Variants in BCAR3 observed in about 807,000 individuals in gnomAD.
BCAR3 encodes the protein breast cancer anti-estrogen resistance protein 3.
Under a neutral mutation model 80.1 loss-of-function variants are expected in BCAR3, and 37 were observed. The observed-to-expected ratio is 0.46, with a 90% confidence interval of 0.36 to 0.61. The LOEUF is 0.61. Ranked by LOEUF, BCAR3 falls within the 20% of genes least tolerant of loss-of-function variation. The pLI, the probability that BCAR3 is intolerant of heterozygous loss-of-function variation, is 0.00. For missense variants in BCAR3, 978 were observed against 1,068.2 expected (o/e 0.92, Z 1.18); for synonymous variants, 389 against 418.9 (o/e 0.93, Z 0.87).
At chr1:93,591,856 C>A (rs1674213483) in intron 4 of BCAR3, among the ~76,000 whole-genome samples, 1 of 152,218 alleles carries the variant, frequency 6.6e-6, no homozygotes, top group African/African-American at 2.4e-5. Flanking sequence ...CCTGCCCTCT[C>A]TCCTCCCGAA....
At chr1:93,710,047 A>G (rs897225841) in intron 2 of BCAR3, among the ~76,000 whole-genome samples, 2 of 152,246 alleles carry the variant, frequency 1.3e-5, no homozygotes, top group Non-Finnish European at 2.9e-5. Context: ...ACTTAGAGAA[A>G]AAAGATTAGG....
intron 2 of BCAR3, among the ~76,000 whole-genome samples, chr1:93,765,140 T>G (rs1390734869): frequency 6.6e-6 from 1 of 152,168 alleles, no homozygotes; most frequent in Non-Finnish European, 1.5e-5. Context: ...TCCTCCCAAC[T>G]CCTAATTAAG....
intron 2 of BCAR3, among the ~76,000 whole-genome samples, chr1:93,781,914 A>T (rs758290446): frequency 1.3e-5 from 2 of 152,206 alleles, no homozygotes; most frequent in Non-Finnish European, 2.9e-5. Context: ...GGTTTGGGTC[A>T]TCATGACTTG....
intron 2 of BCAR3, among the ~76,000 whole-genome samples, chr1:93,706,602 C>G (rs1649835424): frequency 6.6e-6 from 1 of 152,138 alleles, no homozygotes; most frequent in South Asian, 2.1e-4. Context: ...AGCTAGTCAG[C>G]CTGTGACTCA....
rs142844432 is a variant in BCAR3, at chr1:93,639,710, C to T, written c.357+2594G>A. On this transcript the variant is annotated intron_variant, in intron 3 of 11. Coordinates refer to ENST00000260502, the MANE Select transcript of BCAR3 (RefSeq NM_003567.4). ...CAGGCTGGTCTCGAACTCCTGACCT[C>T]GGGTGATCTGCCCACCTCGGCCTCC... Among the ~76,000 whole-genome samples, 25 of 152,084 alleles carry T rather than the reference C, an allele frequency of 1.6e-4. No individual in the cohort carries two copies. In the East Asian group the frequency reaches 4.9e-3, roughly 30 times the overall value.
intron 7 of BCAR3, among the ~76,000 whole-genome samples, chr1:93,576,454 T>C (rs67300695): frequency 0.17 from 25,158 of 152,206 alleles, 2,271 homozygotes; most frequent in Non-Finnish European, 0.2. Context: ...ACCGGCCGGA[T>C]CCTGCTGCGA....
chr1:93,696,835 G>A (rs1649426717), intron 3 of BCAR3, among the ~76,000 whole-genome samples: 1 of 152,164 alleles, frequency 6.6e-6, no homozygotes, highest in Non-Finnish European at 1.5e-5. Context: ...TTCTCTTTTG[G>A]CTCTGGGTTG....
intron 2 of BCAR3, among the ~76,000 whole-genome samples, chr1:93,799,107 T>C (rs1653386961): frequency 6.6e-6 from 1 of 152,164 alleles, no homozygotes; most frequent in Non-Finnish European, 1.5e-5. Flanking sequence ...CTGAGTAGCC[T>C]TGAGAAATAT....
At position 93,762,713 on chromosome 1, in the gene BCAR3, C is replaced by A. The variant is rs150356429; in HGVS notation, c.-62-56571G>T. Reference sequence around the variant, plus strand: ...AAACCCTTGTTCTCCTCCCATATTGCTTCCTCCTCCCTCTTCTCTGCAAAG... The same window carrying A: ...AAACCCTTGTTCTCCTCCCATATTGATTCCTCCTCCCTCTTCTCTGCAAAG... On this transcript the variant is annotated intron_variant, in intron 2 of 13. Coordinates refer to the BCAR3 transcript ENST00000370244. Among the ~76,000 whole-genome samples, 457 of 152,202 alleles carry A rather than the reference C, an allele frequency of 3.0e-3. 1 individual carries two copies. The highest frequency in any genetic ancestry group is 0.011 in the African/African-American group (449 of 41,514).
chr1:93,728,022 G>A (rs1293119464), intron 2 of BCAR3, among the ~76,000 whole-genome samples: 1 of 152,186 alleles, frequency 6.6e-6, no homozygotes, highest in Non-Finnish European at 1.5e-5. Flanking sequence ...ACTAAGGAAC[G>A]CCTGGAGCCA....
At chr1:93,723,002 T>C (rs1650457184) in intron 2 of BCAR3, among the ~76,000 whole-genome samples, 1 of 152,142 alleles carries the variant, frequency 6.6e-6, no homozygotes, top group South Asian at 2.1e-4. Context: ...GCAGCCGTGA[T>C]TAGAGGCTTG....
At chr1:93,783,409 A>G (rs990998632) in intron 2 of BCAR3, among the ~76,000 whole-genome samples, 2 of 152,224 alleles carry the variant, frequency 1.3e-5, no homozygotes, top group Non-Finnish European at 2.9e-5. Flanking sequence ...ACTGGTTGAT[A>G]ATTCTTGCCC....
At chr1:93,811,551 T>G (rs925887073) in intron 2 of BCAR3, among the ~76,000 whole-genome samples, 1 of 152,228 alleles carries the variant, frequency 6.6e-6, no homozygotes, top group Non-Finnish European at 1.5e-5. Flanking sequence ...TTCTCTATTA[T>G]GTAAAATAAT....
In BCAR3 at chr1:93,592,158, A is replaced by C; in HGVS notation, c.486+107T>G. Reference sequence around the variant, plus strand: ...TTTTAGAGTATTTGTTTTTGGTTACACAGGTGCTTCCGCCCATGTGGCCTC... The same window carrying C: ...TTTTAGAGTATTTGTTTTTGGTTACCCAGGTGCTTCCGCCCATGTGGCCTC... On this transcript the variant is annotated intron_variant, in intron 4 of 11. Coordinates refer to ENST00000260502, the MANE Select transcript of BCAR3 (RefSeq NM_003567.4). This position sits in a 1 kb window ranked among gnomAD's most constrained non-coding sequence, Gnocchi z 4.8. 6.7e-7 allele frequency: 1 copy of C among 1,498,036 alleles called. No homozygotes were observed. The highest frequency in any genetic ancestry group is 9.0e-7 in the Non-Finnish European group (1 of 1,108,656). 92.8% of individuals were successfully genotyped at this position (1,498,036 alleles called of 1,614,324 possible). A position where few individuals can be genotyped will look rare whatever the true frequency, so the allele number is the denominator to read the frequency against.
rs3754193 is a variant in BCAR3 at position 93,579,780 on chromosome 1, A to C, written c.1686+2521T>G. 1.2e-4 allele frequency among the ~76,000 whole-genome samples: 19 copies of C among 152,270 alleles called. No homozygotes were observed. The East Asian group carries it at 3.5e-3, about 28-fold the overall frequency. ...TTTCTACGAGGAGCTTCCTCTATGG[A>C]GAACCCACGCAGGTTCATACCAGGC... is the stretch of plus-strand genomic sequence containing the variant. On this transcript the variant is annotated intron_variant, in intron 7 of 11. Transcript: ENST00000260502.
intron 3 of BCAR3, among the ~76,000 whole-genome samples, chr1:93,610,664 A>G (rs1350756284): frequency 6.6e-6 from 1 of 152,182 alleles, no homozygotes; most frequent in Non-Finnish European, 1.5e-5. Context: ...GAACGCTAGC[A>G]GCCAGGCATG....
intron 11 of BCAR3, among the ~76,000 whole-genome samples, chr1:93,563,306 A>G (rs559186851): frequency 5.4e-4 from 82 of 152,328 alleles, no homozygotes; most frequent in African/African-American, 1.6e-3. Flanking sequence ...ATCATCCACT[A>G]TGAACTTTTT....
At chr1:93,582,114 TTAAA>T (rs1288469454) in intron 7 of BCAR3, among the ~76,000 whole-genome samples, 183 bp downstream of exon 7, 2 of 152,220 alleles carry the variant, frequency 1.3e-5, no homozygotes, top group Non-Finnish European at 2.9e-5. Flanking sequence ...TTCCCACCCC[TTAAA>T]TAAATTCCCA....
intron 1 of BCAR3, among the ~76,000 whole-genome samples, chr1:93,675,287 T>C (rs1648419970): frequency 6.6e-6 from 1 of 152,214 alleles, no homozygotes; most frequent in African/African-American, 2.4e-5. Flanking sequence ...AAGAAAATAT[T>C]ATAAACTGTT....
Sources: allele counts gnomAD v4.1 joint callset (sites outside exome capture counted in the v4.1 genomes callset), GRCh38; gene constraint gnomAD v4.1.1; non-coding constraint Gnocchi (gnomAD v3.1); transcripts MANE v1.5; gene names NCBI Gene and HGNC (gene_info 2026-07-23, HGNC 2026-07-21).